The following COTL1 variants were observed in gnomAD, a reference collection of about 807,000 sequenced individuals.
The protein encoded by COTL1 is coactosin like F-actin binding protein 1, also known as coactosin-like protein.
In COTL1, 15 loss-of-function variants were observed where a neutral mutation model predicts 16.5. That is an observed-to-expected ratio of 0.91 (90% CI 0.61 to 1.40). COTL1 has a LOEUF of 1.40. Among genes scored for constraint, COTL1 ranks in the 40% most tolerant of loss-of-function variants. The probability of loss-of-function intolerance (pLI) is 0.00; values close to 1 mark genes in which losing one functional copy is unlikely to be tolerated. For synonymous variants in COTL1, 112 were observed against 85.3 expected (o/e 1.31, Z -1.73); for missense variants, 220 against 201.5 (o/e 1.09, Z -0.56).
chr16:84,613,833 C>T (rs538147597), intron 2 of COTL1, among the ~76,000 whole-genome samples: 1 of 151,968 alleles, frequency 6.6e-6, no homozygotes, highest in East Asian at 1.9e-4. Flanking sequence ...GCCCCGCCCC[C>T]CACCCACTCC....
chr16:84,584,501 G>T (rs144414203), intron 3 of COTL1, among the ~76,000 whole-genome samples: 10 of 152,292 alleles, frequency 6.6e-5, no homozygotes, highest in African/African-American at 2.4e-4. Flanking sequence ...CTGTGTGCCG[G>T]CCACAGGTGA....
intron 1 of COTL1, 114 bp from the exon 2 acceptor site, chr16:84,617,697 G>A (rs1905533695): frequency 2.9e-6 from 4 of 1,382,886 alleles, no homozygotes; most frequent in Admixed American, 4.0e-5. Flanking sequence ...AAGCCCGCGG[G>A]GGCCTGGCAC....
At chr16:84,567,070 A>AAATGGAAATTCAGCAGCAGAGTCAGTC (rs71666353) in intron 3 of COTL1, 115 bp from the exon 4 acceptor site, 4 of 718,164 alleles carry the variant, frequency 5.6e-6, no homozygotes, top group East Asian at 2.5e-5. Flanking sequence ...TGAGAGATGG[A>AAATGGAAATTCAGCAGCAGAGTCAGTC]AATGGAAATT....
Position 84,598,839 on chromosome 16 carries a change from A to AG in COTL1, c.161-8578dup, listed in dbSNP as rs964897822. Among the ~76,000 whole-genome samples the AG allele has an allele frequency of 8.9e-4, 32 of 35,902 alleles. 1 individual carries two copies. The highest frequency in any genetic ancestry group is 1.1e-3 in the Non-Finnish European group (17 of 15,380). 23.6% of individuals were successfully genotyped at this position (35,902 alleles called of 152,430 possible). ...GCGGCAGGGGTGGGGGGGAGCAAGCAGGGGGGGTCCAAGCGGGGTCGGGGG... is the reference window on the plus strand; with the variant it reads ...GCGGCAGGGGTGGGGGGGAGCAAGCAGGGGGGGGTCCAAGCGGGGTCGGGGG... On this transcript the variant is annotated intron_variant, in intron 2 of 3. Transcript: ENST00000262428.
chr16:84,586,397 C>T lies in COTL1; in HGVS notation c.318+3708G>A, dbSNP rs533151704. Among the ~76,000 whole-genome samples the T allele has an allele frequency of 2.6e-5, 4 of 152,286 alleles. No individual in the cohort carries two copies. The South Asian group carries it at 8.3e-4, about 32-fold the overall frequency. ...CCAATCCCCCTCAGTCACCGGCGCA[C>T]CTACCCAAACTGAAAAGAGTTCTAG... On this transcript the variant is annotated intron_variant, in intron 3 of 3. Transcript: ENST00000262428.
chr16:84,572,782 T>TC (rs1483428623), intron 3 of COTL1, among the ~76,000 whole-genome samples: 2 of 152,042 alleles, frequency 1.3e-5, no homozygotes, highest in Non-Finnish European at 2.9e-5. Flanking sequence ...TCTCACTCTG[T>TC]CACCCACGCT....
chr16:84,574,608 C>T (rs556149814), intron 3 of COTL1, among the ~76,000 whole-genome samples: 21 of 152,228 alleles, frequency 1.4e-4, no homozygotes, highest in African/African-American at 4.1e-4. Flanking sequence ...TTTTCTGAGA[C>T]GGACTCTCAC....
intron 2 of COTL1, among the ~76,000 whole-genome samples, chr16:84,598,602 T>G (rs1905051248): frequency 6.6e-6 from 1 of 151,918 alleles, no homozygotes; most frequent in South Asian, 2.1e-4. Context: ...GAGGTGCCTT[T>G]ACGCCTCTCC....
chr16:84,608,482 C>CA (rs889252588), intron 2 of COTL1, among the ~76,000 whole-genome samples: 87 of 152,304 alleles, frequency 5.7e-4, no homozygotes, highest in African/African-American at 2.0e-3. Flanking sequence ...TGTGGACACA[C>CA]AAAAAAGCTA....
rs534924393 is a variant in COTL1, at chr16:84,566,657, G to T, written c.*188C>A. 52 of 547,154 alleles carry T rather than the reference G, an allele frequency of 9.5e-5. No individual in the cohort carries two copies. In the African/African-American group the frequency reaches 9.9e-4, roughly 10 times the overall value. 33.9% of individuals were successfully genotyped at this position (547,154 alleles called of 1,614,324 possible). On this transcript the variant is annotated 3_prime_UTR_variant, in exon 4 of 4. Transcript: ENST00000262428. ...GAAAGAGGTTCCATGAGCGTCATGA[G>T]ATAGGACACGGCAGGGTTCTAAGGG...
rs536172462 is a variant in COTL1 at position 84,608,017 on chromosome 16, G to A, written c.160+9484C>T. On this transcript the variant is annotated intron_variant, in intron 2 of 3. Coordinates refer to ENST00000262428, the MANE Select transcript of COTL1 (RefSeq NM_021149.5). ...GCAGAAGCAGAAGCACAAGCGAGGGGGACTATCTTTTCAGGAGGTGCTGGC... is the reference window on the plus strand; with the variant it reads ...GCAGAAGCAGAAGCACAAGCGAGGGAGACTATCTTTTCAGGAGGTGCTGGC... Among the ~76,000 whole-genome samples, 12 of 152,302 alleles carry A rather than the reference G, an allele frequency of 7.9e-5. No individual in the cohort carries two copies. In the East Asian group the frequency reaches 1.4e-3, roughly 17 times the overall value.
At chr16:84,591,822 TCAAA>T (rs1904872960) in intron 2 of COTL1, among the ~76,000 whole-genome samples, 1 of 113,000 alleles carries the variant, frequency 8.8e-6, no homozygotes, top group African/African-American at 3.7e-5. Context: ...AGACCCTGTC[TCAAA>T]TAAAATAAAA....
chr16:84,611,102 G>A (rs1013109528), intron 2 of COTL1, among the ~76,000 whole-genome samples: 37 of 152,160 alleles, frequency 2.4e-4, no homozygotes, highest in African/African-American at 8.7e-4. Flanking sequence ...CACCTTTACA[G>A]ACGAGAAAAC....
At chr16:84,597,886 C>A (rs1465551423) in intron 2 of COTL1, among the ~76,000 whole-genome samples, 2 of 152,200 alleles carry the variant, frequency 1.3e-5, no homozygotes, top group Non-Finnish European at 2.9e-5. Context: ...AGAGAGGGAA[C>A]AGCCATCATT....
chr16:84,598,047 G>A (rs182466849), intron 2 of COTL1, among the ~76,000 whole-genome samples: 1 of 152,284 alleles, frequency 6.6e-6, no homozygotes, highest in East Asian at 1.9e-4. Flanking sequence ...CCGTCACTGA[G>A]GATACAGCAA....
chr16:84,607,623 C>A (rs890251101), intron 2 of COTL1, among the ~76,000 whole-genome samples: 1 of 152,110 alleles, frequency 6.6e-6, no homozygotes, highest in Non-Finnish European at 1.5e-5. Flanking sequence ...GGGACACACA[C>A]TGGAGGGGTC....
intron 3 of COTL1, among the ~76,000 whole-genome samples, chr16:84,577,683 A>G (rs1904484369): frequency 6.6e-6 from 1 of 152,118 alleles, no homozygotes; most frequent in South Asian, 2.1e-4. Flanking sequence ...GAGTGACGCG[A>G]CCCTGCTGTA....
chr16:84,601,836 G>A (rs1905110957), intron 2 of COTL1, among the ~76,000 whole-genome samples: 1 of 152,294 alleles, frequency 6.6e-6, no homozygotes, highest in East Asian at 1.9e-4. Context: ...CAATTTGAGA[G>A]GGAGATTGTG....
At chr16:84,593,448 A>G (rs9646312) in intron 2 of COTL1, among the ~76,000 whole-genome samples, 1 of 151,776 alleles carries the variant, frequency 6.6e-6, no homozygotes, top group African/African-American at 2.4e-5. Flanking sequence ...GGGCTGCCTC[A>G]CCTGTAAAAC....
Sources: allele counts gnomAD v4.1 joint callset (sites outside exome capture counted in the v4.1 genomes callset), GRCh38; gene constraint gnomAD v4.1.1; transcripts MANE v1.5; gene names NCBI Gene and HGNC (gene_info 2026-07-23, HGNC 2026-07-21).